Variants in EMCN observed in about 807,000 individuals in gnomAD.
EMCN encodes the protein endomucin.
A neutral mutation model predicts 38.4 loss-of-function variants in EMCN; 37 were observed. The ratio of observed to expected loss-of-function variants is 0.96; its 90% CI spans 0.74 to 1.27. EMCN has a LOEUF of 1.27. Among genes scored for constraint, EMCN ranks in the 50% most tolerant of loss-of-function variants. The probability of loss-of-function intolerance (pLI) is 0.00; values close to 1 mark genes in which losing one functional copy is unlikely to be tolerated. For missense variants in EMCN, 318 were observed against 302.8 expected, an observed-to-expected ratio of 1.05 and a Z score of -0.37; for synonymous variants, 95 against 100.8, an observed-to-expected ratio of 0.94 and a Z score of 0.35.
At chr4:100,439,184 T>C (rs1239118135) in intron 5 of EMCN, among the ~76,000 whole-genome samples, 1 of 152,054 alleles carries the variant, frequency 6.6e-6, no homozygotes, top group Non-Finnish European at 1.5e-5. Context: ...TTAAGAAGTA[T>C]CATTATTAAT....
At chr4:100,479,499 C>T (rs1471968662) in intron 2 of EMCN, among the ~76,000 whole-genome samples, 1 of 152,036 alleles carries the variant, frequency 6.6e-6, no homozygotes, top group Non-Finnish European at 1.5e-5. Context: ...CTGAAACCTA[C>T]AAGTTAAATC....
chr4:100,491,559 G>T (rs569279045), intron 1 of EMCN, among the ~76,000 whole-genome samples: 4 of 152,340 alleles, frequency 2.6e-5, no homozygotes, highest in South Asian at 2.1e-4. Context: ...GAGCAAAGCA[G>T]TTGGTCCCAT....
chr4:100,502,831 A>G (rs1439180979), intron 1 of EMCN, among the ~76,000 whole-genome samples: 1 of 152,082 alleles, frequency 6.6e-6, no homozygotes, highest in Non-Finnish European at 1.5e-5. Context: ...CTTCAATGAG[A>G]TTATCATATA....
chr4:100,431,503 C>G (rs1727198808), intron 5 of EMCN, among the ~76,000 whole-genome samples: 1 of 152,122 alleles, frequency 6.6e-6, no homozygotes, highest in African/African-American at 2.4e-5. Flanking sequence ...CTGCCTGACT[C>G]TCTTGAACTG....
chr4:100,493,134 A>C (rs1030078452), intron 1 of EMCN, among the ~76,000 whole-genome samples: 1 of 152,202 alleles, frequency 6.6e-6, no homozygotes, highest in African/African-American at 2.4e-5. Context: ...CTATACAGTC[A>C]GTTAACTAGT....
chr4:100,503,067 A>T (rs1344467154), intron 1 of EMCN, among the ~76,000 whole-genome samples: 4 of 152,086 alleles, frequency 2.6e-5, no homozygotes, highest in Non-Finnish European at 4.4e-5. Flanking sequence ...ACTTTGTAAC[A>T]TAAGTTGGAA....
intron 5 of EMCN, among the ~76,000 whole-genome samples, chr4:100,444,382 G>T (rs1447754122): frequency 6.6e-6 from 1 of 152,136 alleles, no homozygotes; most frequent in Non-Finnish European, 1.5e-5. Flanking sequence ...AGCCCCTGTG[G>T]GTAGCATGCT....
chr4:100,423,123 C>G, intron 6 of EMCN, 43 bp from the exon 7 acceptor site: 1 of 1,582,396 alleles, frequency 6.3e-7, no homozygotes, highest in Non-Finnish European at 8.7e-7. Context: ...TTAATGTGTG[C>G]CAATTCTTGC....
intron 1 of EMCN, among the ~76,000 whole-genome samples, chr4:100,509,648 T>C (rs1729573487): frequency 6.6e-6 from 1 of 152,198 alleles, no homozygotes. Context: ...CCCACTTCAG[T>C]TAAAAATAAA....
At chr4:100,468,714 A>G (rs999314921) in intron 3 of EMCN, among the ~76,000 whole-genome samples, 5 of 152,096 alleles carry the variant, frequency 3.3e-5, no homozygotes, top group African/African-American at 1.2e-4. Flanking sequence ...CACACTGAAA[A>G]CTATAAAACA....
intron 5 of EMCN, among the ~76,000 whole-genome samples, chr4:100,438,596 C>T (rs982726133): frequency 7.9e-5 from 12 of 151,504 alleles, no homozygotes; most frequent in African/African-American, 2.4e-4. Flanking sequence ...TATGATTGCT[C>T]GTGCTAGTAC....
intron 4 of EMCN, among the ~76,000 whole-genome samples, chr4:100,455,036 T>C (rs879854606): frequency 8.5e-5 from 13 of 152,156 alleles, no homozygotes; most frequent in Non-Finnish European, 1.5e-4. Context: ...GCCGTTTTAT[T>C]TTATGTGATA....
intron 1 of EMCN, among the ~76,000 whole-genome samples, chr4:100,501,821 A>G (rs1176874650): frequency 6.6e-6 from 1 of 151,106 alleles, no homozygotes; most frequent in East Asian, 1.9e-4. Context: ...AACTTTATAT[A>G]CAGAGACCCT....
chr4:100,433,012 A>C (rs1047407929), intron 5 of EMCN, among the ~76,000 whole-genome samples: 4 of 152,168 alleles, frequency 2.6e-5, no homozygotes, highest in African/African-American at 9.7e-5. Context: ...ATTTAGCATG[A>C]ATCCCAAATA....
chr4:100,419,224 AC>A (rs1726822191), intron 8 of EMCN, among the ~76,000 whole-genome samples: 1 of 152,162 alleles, frequency 6.6e-6, no homozygotes, highest in East Asian at 1.9e-4. Context: ...TTCATTTCTT[AC>A]GGAAATCTCT....
rs545589943 is a variant in EMCN at position 100,489,953 on chromosome 4, G to A, written c.65-9914C>T. Among the ~76,000 whole-genome samples the A allele has an allele frequency of 4.6e-5, 7 of 152,254 alleles. No homozygotes were observed. The South Asian group carries it at 1.2e-3, about 27-fold the overall frequency. Reference sequence around the variant, plus strand: ...GTGTACATCTATTTATTTAAAAAAAGATGGTTAACTAGAAAGCAGCCTCAG... The same window carrying A: ...GTGTACATCTATTTATTTAAAAAAAAATGGTTAACTAGAAAGCAGCCTCAG... On this transcript the variant is annotated intron_variant, in intron 1 of 11. Coordinates refer to ENST00000296420, the MANE Select transcript of EMCN (RefSeq NM_016242.4).
intron 4 of EMCN, among the ~76,000 whole-genome samples, chr4:100,464,036 C>G (rs907157925): frequency 2.0e-5 from 3 of 151,870 alleles, no homozygotes; most frequent in African/African-American, 7.3e-5. Flanking sequence ...ATTGAGGTTT[C>G]TAATCTATAA....
rs1307240333 is a variant in EMCN at position 100,395,597 on chromosome 4, A to G, written c.*2816T>C. On this transcript the variant is annotated 3_prime_UTR_variant, in exon 12 of 12. Coordinates refer to ENST00000296420, the MANE Select transcript of EMCN (RefSeq NM_016242.4). ...GGTCATATTCACTTTTCCTTTCAAC[A>G]TCATAAAATCTTGAATGACCACAAG... The G allele has an allele frequency of 3.9e-5, 6 of 152,168 alleles. No individual in the cohort carries two copies. Among genetic ancestry groups the G allele is most frequent in the Admixed American group, 3.3e-4 (5 of 15,268 alleles). The allele number at this position is 152,168 out of a possible 1,614,324, so 9.4% of individuals were successfully genotyped here. A position where few individuals can be genotyped will look rare whatever the true frequency, so the allele number is the denominator to read the frequency against.
At chr4:100,470,087 A>G (rs1728433200) in intron 3 of EMCN, among the ~76,000 whole-genome samples, 1 of 152,098 alleles carries the variant, frequency 6.6e-6, no homozygotes, top group African/African-American at 2.4e-5. Flanking sequence ...AAAAGAAACT[A>G]TCAAAAGAAT....
Sources: allele counts gnomAD v4.1 joint callset (sites outside exome capture counted in the v4.1 genomes callset), GRCh38; gene constraint gnomAD v4.1.1; transcripts MANE v1.5; gene names NCBI Gene and HGNC (gene_info 2026-07-23, HGNC 2026-07-21).